The following STARD13 variants were observed in gnomAD, a reference collection of about 807,000 sequenced individuals.
STARD13 encodes the protein StAR related lipid transfer domain containing 13.
Under a neutral mutation model 106.4 loss-of-function variants are expected in STARD13, and 62 were observed. That is an observed-to-expected ratio of 0.58 (90% CI 0.48 to 0.72). STARD13 has a LOEUF of 0.72. Among genes scored for constraint, STARD13 ranks in the 30% least tolerant of loss-of-function variants. STARD13 has a pLI of 0.00. For synonymous variants in STARD13, 565 were observed against 553.0 expected, an observed-to-expected ratio of 1.02 and a Z score of -0.31; for missense variants, 1,387 against 1,424.0, an observed-to-expected ratio of 0.97 and a Z score of 0.42.
At chr13:33,554,572 T>C in the STARD13 span, among the ~76,000 whole-genome samples, 4 of 152,236 alleles carry the variant, frequency 2.6e-5, no homozygotes, top group African/African-American at 7.2e-5. Context: ...TATCTGCTAT[T>C]ATTATGCTAA....
the STARD13 span, among the ~76,000 whole-genome samples, chr13:33,652,261 A>G: frequency 6.6e-6 from 1 of 152,218 alleles, no homozygotes; most frequent in Non-Finnish European, 1.5e-5. Flanking sequence ...GCTTCAGCTC[A>G]GCCTAATTAG....
At chr13:33,671,500 G>T in the STARD13 span, among the ~76,000 whole-genome samples, 1 of 152,176 alleles carries the variant, frequency 6.6e-6, no homozygotes, top group Non-Finnish European at 1.5e-5. Context: ...AGAGGCTGAG[G>T]CAGGAGGAAC....
chr13:33,489,147 A>G, the STARD13 span, among the ~76,000 whole-genome samples: 12 of 152,206 alleles, frequency 7.9e-5, no homozygotes, highest in Non-Finnish European at 1.6e-4. Context: ...TTAATAAACT[A>G]GTTCATACCA....
chr13:33,192,172 T>C (rs1886297886), intron 1 of STARD13, among the ~76,000 whole-genome samples: 1 of 152,226 alleles, frequency 6.6e-6, no homozygotes, highest in South Asian at 2.1e-4. Context: ...AAAGAACATT[T>C]CTAGAGCTTC....
chr13:33,605,623 G>A, the STARD13 span, among the ~76,000 whole-genome samples: 1 of 152,124 alleles, frequency 6.6e-6, no homozygotes, highest in Non-Finnish European at 1.5e-5. Context: ...TGATCAGTCA[G>A]CTGACCACAC....
At chr13:33,296,505 A>G (rs774869745) in intron 1 of STARD13, among the ~76,000 whole-genome samples, 1 of 152,002 alleles carries the variant, frequency 6.6e-6, no homozygotes, top group Non-Finnish European at 1.5e-5. Context: ...AGTCTTATTA[A>G]TTATAGTCAC....
chr13:33,395,547 C>T, the STARD13 span, among the ~76,000 whole-genome samples: 1 of 152,000 alleles, frequency 6.6e-6, no homozygotes, highest in Non-Finnish European at 1.5e-5. Context: ...CCAGACAGAC[C>T]ACCCTAACTA....
At chr13:33,479,840 G>A in the STARD13 span, among the ~76,000 whole-genome samples, 2 of 152,066 alleles carry the variant, frequency 1.3e-5, no homozygotes, top group African/African-American at 2.4e-5. Context: ...TCCTGCACTC[G>A]CTATGTGAGA....
intron 3 of STARD13, among the ~76,000 whole-genome samples, chr13:33,163,686 T>TATATATAACATATATATATAAAAC (rs1882979941): frequency 1.5e-5 from 1 of 64,872 alleles, no homozygotes; most frequent in Admixed American, 1.6e-4. Flanking sequence ...ATATAAAACA[T>TATATATAACATATATATATAAAAC]ATATATATAT....
the STARD13 span, among the ~76,000 whole-genome samples, chr13:33,358,500 C>G: frequency 6.6e-6 from 1 of 152,208 alleles, no homozygotes; most frequent in East Asian, 1.9e-4. Context: ...TGTAAATACA[C>G]CAATCAGCAC....
the STARD13 span, among the ~76,000 whole-genome samples, chr13:33,398,825 C>CA: frequency 1.3e-5 from 2 of 152,198 alleles, no homozygotes; most frequent in Non-Finnish European, 1.5e-5. Context: ...TAAAATGACA[C>CA]AAGCTCTCTA....
the STARD13 span, among the ~76,000 whole-genome samples, chr13:33,376,037 G>T: frequency 2.6e-5 from 4 of 151,820 alleles, no homozygotes; most frequent in Non-Finnish European, 4.4e-5. Context: ...TAATAGAAAA[G>T]AAATATGGTT....
chr13:33,320,084 C>A (rs1301217507), intron 1 of STARD13, among the ~76,000 whole-genome samples: 4 of 152,202 alleles, frequency 2.6e-5, no homozygotes, highest in Non-Finnish European at 5.9e-5. Flanking sequence ...ATAGAGTACA[C>A]TCATAAAGGA....
At chr13:33,447,405 A>C in the STARD13 span, among the ~76,000 whole-genome samples, 1 of 152,148 alleles carries the variant, frequency 6.6e-6, no homozygotes, top group African/African-American at 2.4e-5. Flanking sequence ...CTCTTTTCCA[A>C]CCATGAAACT....
At chr13:33,431,544 G>T in the STARD13 span, among the ~76,000 whole-genome samples, 1 of 151,990 alleles carries the variant, frequency 6.6e-6, no homozygotes, top group Admixed American at 6.6e-5. Context: ...GCTTAAAATC[G>T]AATCATGGGA....
chr13:33,188,678 G>A (rs1885985544), intron 1 of STARD13, among the ~76,000 whole-genome samples: 1 of 152,202 alleles, frequency 6.6e-6, no homozygotes, highest in African/African-American at 2.4e-5. Flanking sequence ...TCAATTGACT[G>A]AATAGGTTTG....
At chr13:33,369,901 T>A in the STARD13 span, among the ~76,000 whole-genome samples, 1 of 152,198 alleles carries the variant, frequency 6.6e-6, no homozygotes, top group Non-Finnish European at 1.5e-5. Flanking sequence ...CTTTAATTTC[T>A]CCAGATGTTT....
At chr13:33,524,979 A>G in the STARD13 span, among the ~76,000 whole-genome samples, 14 of 152,040 alleles carry the variant, frequency 9.2e-5, no homozygotes, top group African/African-American at 3.1e-4. Context: ...AAAATTTTGT[A>G]TTCTTTGATC....
chr13:33,349,467 C>T (rs909710857), intron 1 of STARD13, among the ~76,000 whole-genome samples: 2 of 152,202 alleles, frequency 1.3e-5, no homozygotes, highest in Non-Finnish European at 2.9e-5. Context: ...ATGGCTGGAC[C>T]GCCCACTGCA....
Sources: gnomAD v4.1 joint callset for allele counts (sites outside exome capture counted in the v4.1 genomes callset) on GRCh38, gnomAD v4.1.1 for gene constraint, MANE v1.5 for transcripts, NCBI Gene and HGNC (gene_info 2026-07-23, HGNC 2026-07-21) for gene names.